The following DAB1 variants were observed in gnomAD, a reference collection of about 807,000 sequenced individuals.
The protein encoded by DAB1 is DAB adaptor protein 1, also known as disabled homolog 1.
In DAB1, 15 loss-of-function variants were observed where a neutral mutation model predicts 64.6. The observed-to-expected ratio is 0.23, with a 90% CI of 0.16 to 0.36. The LOEUF (loss-of-function observed/expected upper bound fraction) is 0.36. Among genes scored for constraint, DAB1 ranks in the 10% least tolerant of loss-of-function variants. The probability of loss-of-function intolerance (pLI) is 1.00; values close to 1 mark genes in which losing one functional copy is unlikely to be tolerated. For missense variants in DAB1, 596 were observed against 706.7 expected, an observed-to-expected ratio of 0.84 and a Z score of 1.78; for synonymous variants, 235 against 251.9, an observed-to-expected ratio of 0.93 and a Z score of 0.64.
chr1:57,625,001 T>C (rs1423496422), intron 7 of DAB1, among the ~76,000 whole-genome samples: 1 of 152,182 alleles, frequency 6.6e-6, no homozygotes, highest in African/African-American at 2.4e-5. Context: ...AATGCAAATG[T>C]ATTCAAATAA....
rs184709746 is a variant in DAB1, at chr1:57,570,276, G to A, written n.625+79316C>T. 3.0e-4 allele frequency among the ~76,000 whole-genome samples: 46 copies of A among 152,194 alleles called. 1 individual carries two copies. The highest frequency in any genetic ancestry group is 2.7e-3 in the Admixed American group (42 of 15,274). ...CCCATGTTGGATGCTTCCTGCCCTG[G>A]AATATCGAACTCCAAGTTCTTCAGT... On this transcript the variant is annotated intron_variant and non_coding_transcript_variant, in intron 7 of 20. Coordinates refer to the DAB1 transcript ENST00000485760.
At chr1:58,455,133 G>T (rs1645180883) in intron 3 of DAB1, among the ~76,000 whole-genome samples, 1 of 152,238 alleles carries the variant, frequency 6.6e-6, no homozygotes, top group Admixed American at 6.5e-5. Context: ...ACTGGGAGAG[G>T]ATCCCAGGAA....
At chr1:58,444,418 C>T (rs1316893923) in intron 3 of DAB1, among the ~76,000 whole-genome samples, 1 of 152,226 alleles carries the variant, frequency 6.6e-6, no homozygotes, top group Non-Finnish European at 1.5e-5. Flanking sequence ...TAGGGGCACA[C>T]AGCCTTTCAT....
chr1:57,633,904 C>T (rs1245170359), intron 7 of DAB1, among the ~76,000 whole-genome samples: 2 of 152,124 alleles, frequency 1.3e-5, no homozygotes, highest in Admixed American at 6.6e-5. Context: ...GGTCATATAA[C>T]GTTTGTCAAT....
At chr1:57,832,986 G>T (rs1652656057) in intron 1 of DAB1, among the ~76,000 whole-genome samples, 1 of 151,552 alleles carries the variant, frequency 6.6e-6, no homozygotes. Flanking sequence ...CTACAGTGAT[G>T]CCTCTCAGGC....
chr1:57,779,652 A>C (rs1401355746), intron 6 of DAB1, among the ~76,000 whole-genome samples: 1 of 152,196 alleles, frequency 6.6e-6, no homozygotes, highest in Non-Finnish European at 1.5e-5. Context: ...ATGTTGTGTG[A>C]AGCAGAAATA....
chr1:57,760,601 T>TTCTC lies in DAB1; in HGVS notation n.552-110940_552-110937dup, dbSNP rs140338730. Among the ~76,000 whole-genome samples the TTCTC allele has an allele frequency of 6.5e-4, 69 of 105,386 alleles. 1 individual carries two copies. Among genetic ancestry groups the TTCTC allele is most frequent in the African/African-American group, 1.9e-3 (48 of 24,768 alleles). 69.1% of individuals were successfully genotyped at this position (105,386 alleles called of 152,430 possible). On this transcript the variant is annotated intron_variant and non_coding_transcript_variant, in intron 6 of 20. Transcript: ENST00000485760. ...TATAATTCTTTCTCTCTCAACTTCT[T>TTCTC]TCTCTCTCTCTCTCTCTCTCACACA... is the stretch of plus-strand genomic sequence containing the variant.
intron 6 of DAB1, among the ~76,000 whole-genome samples, chr1:57,755,924 G>A (rs1648784152): frequency 6.6e-6 from 1 of 152,126 alleles, no homozygotes; most frequent in African/African-American, 2.4e-5. Context: ...AAAACAAATA[G>A]GAGTAAATAC....
chr1:57,069,373 T>C lies in DAB1; in HGVS notation c.650A>G (p.Glu217Gly). The C allele has an allele frequency of 6.2e-7, 1 of 1,613,502 alleles. No homozygotes were observed. The part of the protein sequence containing the change: ...HEPIRDPETE[E>G]NIYQVPTSQK... ...GCAATTTTATACCTGATAAATGTTT[T>C]CTTCCGTTTCGGGATCACGGATTGG... The change falls in exon 8 of 15, where the codon GAA becomes GGA. Residue 217 changes from glutamate to glycine, a missense_variant. By Grantham distance (98) the Glu-to-Gly change is moderately conservative (BLOSUM62 -2). Coordinates refer to ENST00000371236, the MANE Select transcript of DAB1 (RefSeq NM_001365792.1).
intron 2 of DAB1, among the ~76,000 whole-genome samples, chr1:57,203,148 T>C (rs1317804642): frequency 6.6e-6 from 1 of 152,162 alleles, no homozygotes; most frequent in Non-Finnish European, 1.5e-5. Context: ...ACCATTTCTC[T>C]TAGCCACAGC....
rs564364031 is a variant in DAB1 at position 57,973,660 on chromosome 1, C to T, written n.388-89498G>A. On this transcript the variant is annotated intron_variant and non_coding_transcript_variant, in intron 5 of 20. Coordinates refer to the DAB1 transcript ENST00000485760. ...AAAACTAGGGTGTTACTCTTGTTTC[C>T]CCTTGAAACCTGAATAAAGAGTCCT... 3.9e-5 allele frequency among the ~76,000 whole-genome samples: 6 copies of T among 152,244 alleles called. No homozygotes were observed. In the South Asian group the frequency reaches 8.3e-4, roughly 21 times the overall value.
At chr1:57,070,011 G>T (rs1218992919) in intron 7 of DAB1, among the ~76,000 whole-genome samples, 1 of 152,210 alleles carries the variant, frequency 6.6e-6, no homozygotes, top group African/African-American at 2.4e-5. Flanking sequence ...AAGCCAGTGA[G>T]CAAGGGGGTG....
At chr1:57,075,553 T>C (rs1651910823) in intron 4 of DAB1, among the ~76,000 whole-genome samples, 1 of 152,196 alleles carries the variant, frequency 6.6e-6, no homozygotes, top group Non-Finnish European at 1.5e-5. Context: ...TACAAATACA[T>C]TAGAATTCTG....
At chr1:58,459,973 T>C (rs1645227525) in intron 3 of DAB1, among the ~76,000 whole-genome samples, 1 of 151,956 alleles carries the variant, frequency 6.6e-6, no homozygotes, top group African/African-American at 2.4e-5. Context: ...TGTGACTCTG[T>C]CTCAAAAAAA....
At chr1:57,395,890 C>T (rs1040114116) in intron 1 of DAB1, among the ~76,000 whole-genome samples, 1 of 152,216 alleles carries the variant, frequency 6.6e-6, no homozygotes, top group Admixed American at 6.5e-5. Context: ...CCACTATCAA[C>T]CTCCGATTTT....
intron 3 of DAB1, among the ~76,000 whole-genome samples, chr1:58,502,626 G>A (rs1451265940): frequency 2.0e-5 from 3 of 152,166 alleles, no homozygotes; most frequent in African/African-American, 7.2e-5. Flanking sequence ...TCAAAATGTA[G>A]TAGTAGTATA....
chr1:58,496,007 G>T (rs1645795027), intron 3 of DAB1, among the ~76,000 whole-genome samples: 1 of 151,994 alleles, frequency 6.6e-6, no homozygotes, highest in South Asian at 2.1e-4. Context: ...GATACTCTGG[G>T]AATCTCCTAA....
At chr1:57,496,145 T>C (rs928092436) in intron 7 of DAB1, among the ~76,000 whole-genome samples, 7 of 152,212 alleles carry the variant, frequency 4.6e-5, no homozygotes, top group Non-Finnish European at 8.8e-5. Flanking sequence ...GAAATACAAA[T>C]ATCGCATTAC....
intron 7 of DAB1, among the ~76,000 whole-genome samples, 175 bp from the exon 8 acceptor site, chr1:57,069,600 C>T (rs1224712209): frequency 6.6e-6 from 1 of 152,194 alleles, no homozygotes. Flanking sequence ...TACATTCCTG[C>T]CTTTCATAAG....
Sources: allele counts gnomAD v4.1 joint callset (sites outside exome capture counted in the v4.1 genomes callset), GRCh38; gene constraint gnomAD v4.1.1; transcripts MANE v1.5; gene names NCBI Gene and HGNC (gene_info 2026-07-23, HGNC 2026-07-21).